The following MAST4 variants were observed in gnomAD, a reference collection of about 807,000 sequenced individuals.
The protein encoded by MAST4 is microtubule associated serine/threonine kinase family member 4.
Under a neutral mutation model 162.7 loss-of-function variants are expected in MAST4, and 89 were observed. The ratio of observed to expected loss-of-function variants is 0.55; its 90% CI spans 0.46 to 0.65. The LOEUF (loss-of-function observed/expected upper bound fraction) is 0.65. MAST4 is among the 30% of genes least tolerant of loss of function. The pLI is 0.00. For missense variants in MAST4, 3,153 were observed against 3,374.0 expected (o/e 0.93, Z 1.62); for synonymous variants, 1,479 against 1,361.1 (o/e 1.09, Z -1.91).
At chr5:66,907,194 A>T (rs1388336100) in intron 4 of MAST4, among the ~76,000 whole-genome samples, 2 of 138,756 alleles carry the variant, frequency 1.4e-5, no homozygotes, top group Admixed American at 7.3e-5. Context: ...AGAGAGAGAG[A>T]GAGAGAGAGA....
intron 1 of MAST4, among the ~76,000 whole-genome samples, chr5:66,651,641 A>C (rs1746227385): frequency 6.6e-6 from 1 of 151,992 alleles, no homozygotes; most frequent in Non-Finnish European, 1.5e-5. Context: ...GCAGCTTTAA[A>C]CAGCATTATC....
chr5:66,836,751 C>T (rs377038574), intron 3 of MAST4, among the ~76,000 whole-genome samples: 11 of 152,018 alleles, frequency 7.2e-5, no homozygotes, highest in African/African-American at 2.7e-4. Context: ...ACTGAGTACC[C>T]GTGGACAAAA....
At chr5:66,641,819 A>G (rs1267299224) in intron 1 of MAST4, among the ~76,000 whole-genome samples, 1 of 152,188 alleles carries the variant, frequency 6.6e-6, no homozygotes, top group African/African-American at 2.4e-5. Context: ...AAAATCTATA[A>G]CTTCAAAATT....
At chr5:67,119,533 G>A (rs1162529708) in intron 13 of MAST4, among the ~76,000 whole-genome samples, 1 of 152,094 alleles carries the variant, frequency 6.6e-6, no homozygotes, top group Non-Finnish European at 1.5e-5. Flanking sequence ...CAGCTGGGGG[G>A]TGGGGGAAAT....
chr5:66,702,102 A>G (rs1335130604), intron 1 of MAST4, among the ~76,000 whole-genome samples: 1 of 152,152 alleles, frequency 6.6e-6, no homozygotes, highest in Non-Finnish European at 1.5e-5. Context: ...CATGATAGAA[A>G]AAGTCTATAA....
At chr5:66,780,950 T>C (rs1287636898) in intron 2 of MAST4, among the ~76,000 whole-genome samples, 1 of 152,256 alleles carries the variant, frequency 6.6e-6, no homozygotes. Context: ...TCCAGCTGGC[T>C]TCACCTCTCA....
chr5:66,706,608 ATT>A (rs11294899), intron 1 of MAST4, among the ~76,000 whole-genome samples: 1,649 of 149,140 alleles, frequency 0.011, 27 homozygotes, highest in African/African-American at 0.034. Flanking sequence ...AGAAATAGTA[ATT>A]TTTTTTTTTT....
chr5:67,001,365 A>C (rs1243354338), intron 4 of MAST4: 10 of 152,090 alleles, frequency 6.6e-5, no homozygotes, highest in Admixed American at 2.6e-4. Flanking sequence ...CACTATATTA[A>C]TTCATTCTGG....
At chr5:66,787,480 G>A (rs1218573635) in intron 2 of MAST4, among the ~76,000 whole-genome samples, 1 of 152,250 alleles carries the variant, frequency 6.6e-6, no homozygotes, top group African/African-American at 2.4e-5. Context: ...ATTGATGGGA[G>A]ATGCCCCTAG....
chr5:67,079,649 G>C (rs530210785), intron 5 of MAST4, among the ~76,000 whole-genome samples: 1 of 152,212 alleles, frequency 6.6e-6, no homozygotes, highest in East Asian at 1.9e-4. Flanking sequence ...ATATATCATT[G>C]CTCTTGTAAT....
chr5:66,711,589 A>G (rs1470020996), intron 1 of MAST4, among the ~76,000 whole-genome samples: 2 of 152,084 alleles, frequency 1.3e-5, no homozygotes, highest in South Asian at 2.1e-4. Context: ...AATCCCAGCA[A>G]TTTGGGAGGC....
At chr5:66,935,390 G>T (rs1407645446) in intron 4 of MAST4, among the ~76,000 whole-genome samples, 2 of 152,078 alleles carry the variant, frequency 1.3e-5, no homozygotes, top group Admixed American at 1.3e-4. Context: ...ACCTATGGAG[G>T]CCAATTATAT....
At chr5:67,040,054 A>C (rs555741771) in intron 4 of MAST4, among the ~76,000 whole-genome samples, 67 of 152,034 alleles carry the variant, frequency 4.4e-4, no homozygotes, top group Admixed American at 1.1e-3. Flanking sequence ...TTTGCTGGCC[A>C]AATTTGCTTT....
chr5:66,658,864 AT>A (rs1746719369), intron 1 of MAST4, among the ~76,000 whole-genome samples: 1 of 152,094 alleles, frequency 6.6e-6, no homozygotes, highest in Admixed American at 6.5e-5. Context: ...TCTACAAAAA[AT>A]TAAAGAATTA....
At chr5:66,670,084 T>C (rs945040458) in intron 1 of MAST4, among the ~76,000 whole-genome samples, 1 of 152,038 alleles carries the variant, frequency 6.6e-6, no homozygotes, top group Non-Finnish European at 1.5e-5. Context: ...TTGGGGTGAG[T>C]TCCAGCGAAG....
chr5:66,709,534 C>T (rs1285619963), intron 1 of MAST4, among the ~76,000 whole-genome samples: 2 of 120,576 alleles, frequency 1.7e-5, no homozygotes, highest in East Asian at 4.4e-4. Context: ...CCAGGGTGGT[C>T]TTGAACTCTG....
At chr5:66,917,957 C>T (rs534236620) in intron 4 of MAST4, among the ~76,000 whole-genome samples, 2 of 152,156 alleles carry the variant, frequency 1.3e-5, no homozygotes, top group South Asian at 4.1e-4. Flanking sequence ...GGTAATATAA[C>T]ACTACTTAAT....
Position 67,104,529 on chromosome 5 carries a change from G to T in MAST4, c.1310G>T (p.Arg437Leu), listed in dbSNP as rs371642698. ...DKSHQGLITS[R>L]YFLELQHKLD... ...TCCCACCAGGGCCTCATCACCTCAC[G>T]ATACTTCCTTGAATTACAGCACAAA... The change falls in exon 10 of 29, where the codon CGA becomes CTA. Residue 437 changes from arginine to leucine, a missense_variant. Arg to Leu is a moderately radical substitution (Grantham distance 102). Coordinates refer to ENST00000403625, the MANE Select transcript of MAST4 (RefSeq NM_001164664.2). 45 of 1,613,582 alleles carry T rather than the reference G, an allele frequency of 2.8e-5. No homozygotes were observed. Among genetic ancestry groups the T allele is most frequent in the Middle Eastern group, 1.6e-4 (1 of 6,084 alleles).
At chr5:66,872,807 T>A (rs1761034978) in intron 3 of MAST4, among the ~76,000 whole-genome samples, 1 of 152,144 alleles carries the variant, frequency 6.6e-6, no homozygotes, top group South Asian at 2.1e-4. Flanking sequence ...AAATACTGGG[T>A]GCATTAAGTA....
Sources: allele counts gnomAD v4.1 joint callset (sites outside exome capture counted in the v4.1 genomes callset), GRCh38; gene constraint gnomAD v4.1.1; transcripts MANE v1.5; gene names NCBI Gene and HGNC (gene_info 2026-07-23, HGNC 2026-07-21).